USP54: variants seen among roughly 807,000 people sequenced by gnomAD.
USP54 encodes ubiquitin specific peptidase 54.
USP54 carries 87 observed loss-of-function variants against 170.5 expected under a neutral mutation model. The ratio of observed to expected loss-of-function variants is 0.51; its 90% CI spans 0.43 to 0.61. The LOEUF (loss-of-function observed/expected upper bound fraction) is 0.61. USP54 is among the 20% of genes least tolerant of loss of function. The pLI is 0.00. For missense variants in USP54, 1,786 were observed against 2,047.8 expected, an observed-to-expected ratio of 0.87 and a Z score of 2.47; for synonymous variants, 655 against 742.8, an observed-to-expected ratio of 0.88 and a Z score of 1.92.
chr10:73,588,434 G>A (rs1030951367), intron 1 of USP54, among the ~76,000 whole-genome samples: 2 of 152,140 alleles, frequency 1.3e-5, no homozygotes, highest in African/African-American at 4.8e-5. Context: ...ATGTTGGCCA[G>A]GCTGGTCTCA....
chr10:73,542,940 G>A, intron 6 of USP54, 55 bp from the exon 7 acceptor site: 1 of 1,611,212 alleles, frequency 6.2e-7, no homozygotes, highest in East Asian at 2.2e-5. Flanking sequence ...AACTGTTTTG[G>A]CACCCATTTA....
rs745912443 is a variant in USP54 at position 73,536,393 on chromosome 10, C to A, written c.1020G>T (p.Gly340=). 65 of 1,590,236 alleles carry A rather than the reference C, an allele frequency of 4.1e-5. No individual in the cohort carries two copies. In the Admixed American group the frequency reaches 1.2e-3, roughly 28 times the overall value. The change falls in exon 11 of 24, where the codon GGG becomes GGT. Residue 340 remains glycine, a synonymous_variant. Coordinates refer to ENST00000687698, the MANE Select transcript of USP54 (RefSeq NM_001391956.1). ...WKDVVTKCIK[G]HYQPLLLLYA... is the part of the protein sequence containing the mutation. Reference sequence around the variant, plus strand: ...AAAGCAGCAGCAGGGGCTGATAATGCCCCTTGATGCATTTGGTCACCACAT... The same window carrying A: ...AAAGCAGCAGCAGGGGCTGATAATGACCCTTGATGCATTTGGTCACCACAT...
chr10:73,556,415 C>A (rs560816239), intron 4 of USP54, among the ~76,000 whole-genome samples: 9 of 145,962 alleles, frequency 6.2e-5, no homozygotes, highest in African/African-American at 2.0e-4. Context: ...GGCACCATTT[C>A]GGTTCACTGC....
intron 4 of USP54, among the ~76,000 whole-genome samples, chr10:73,569,602 A>T (rs1454268075): frequency 6.6e-6 from 1 of 151,910 alleles, no homozygotes; most frequent in East Asian, 1.9e-4. Flanking sequence ...AAATACAAAA[A>T]TTAGCTAGGG....
At chr10:73,555,393 C>T (rs956019333) in intron 4 of USP54, among the ~76,000 whole-genome samples, 2 of 152,114 alleles carry the variant, frequency 1.3e-5, no homozygotes, top group African/African-American at 4.8e-5. Context: ...CTGTTCATAA[C>T]AATATTTTGG....
At chr10:73,509,105 CAAAAAAAAAAA>C (rs34441562) in intron 20 of USP54, among the ~76,000 whole-genome samples, 2 of 47,294 alleles carry the variant, frequency 4.2e-5, no homozygotes, top group African/African-American at 1.4e-4. Flanking sequence ...ATCATACTGG[CAAAAAAAAAAA>C]AAAAAAAAAA....
intron 1 of USP54, among the ~76,000 whole-genome samples, chr10:73,612,839 CAA>C (rs756355670): frequency 3.4e-3 from 144 of 42,110 alleles, no homozygotes; most frequent in African/African-American, 0.012. Context: ...GACATTGTCT[CAA>C]AAAAAAAAAA....
intron 1 of USP54, among the ~76,000 whole-genome samples, chr10:73,597,420 A>C (rs2078819952): frequency 6.6e-6 from 1 of 152,210 alleles, no homozygotes; most frequent in Non-Finnish European, 1.5e-5. Context: ...ATATTTTTCA[A>C]ACCCTGAACT....
rs1305520189 is a variant in USP54 at position 73,614,192 on chromosome 10, C to CA, written c.-18+11374dup. ...ACTCCAGCCTGGGTGATACCTGTCT[C>CA]AAAAAACAAACAAAAAAACTGTATG... is the stretch of plus-strand genomic sequence containing the variant. On this transcript the variant is annotated intron_variant, in intron 1 of 22. Transcript: ENST00000339859. Among the ~76,000 whole-genome samples the CA allele has an allele frequency of 2.0e-5, 3 of 149,618 alleles. 1 individual carries two copies. Among genetic ancestry groups the CA allele is most frequent in the African/African-American group, 5.1e-5 (2 of 39,326 alleles).
chr10:73,539,642 C>CTTTTTTCAAA (rs747290004), intron 9 of USP54, 49 bp from the exon 10 acceptor site: 1 of 1,539,944 alleles, frequency 6.5e-7, no homozygotes, highest in Non-Finnish European at 8.8e-7. Flanking sequence ...TTCAACCATT[C>CTTTTTTCAAA]CACATCATCT....
At chr10:73,595,589 G>C (rs759140393), upstream of USP54, among the ~76,000 whole-genome samples, 1 of 152,088 alleles carries the variant, frequency 6.6e-6, no homozygotes, top group African/African-American at 2.4e-5. Context: ...ACACATTTGG[G>C]CTTCTAATTA....
At chr10:73,624,531 G>T (rs2081374522) in intron 1 of USP54, 1 of 151,734 alleles carries the variant, frequency 6.6e-6, no homozygotes, top group Non-Finnish European at 1.5e-5. Context: ...TCTAATTAAT[G>T]CATTTGTGAA....
At chr10:73,520,872 A>G in intron 18 of USP54, 36 bp downstream of exon 18, 2 of 1,613,714 alleles carry the variant, frequency 1.2e-6, no homozygotes, top group African/African-American at 1.3e-5. Flanking sequence ...GAAGTTAGTC[A>G]AAAGTGCCAC....
At chr10:73,556,730 A>C (rs752423231) in intron 4 of USP54, among the ~76,000 whole-genome samples, 3 of 152,202 alleles carry the variant, frequency 2.0e-5, no homozygotes, top group Non-Finnish European at 4.4e-5. Flanking sequence ...CTTGAAAAAT[A>C]CTAGAGATTC....
intron 4 of USP54, among the ~76,000 whole-genome samples, chr10:73,554,817 T>C (rs1210572120): frequency 2.0e-5 from 3 of 152,216 alleles, no homozygotes; most frequent in Admixed American, 6.5e-5. Context: ...ATAATAACTT[T>C]TTCTCTGAAA....
chr10:73,498,747 C>T lies in USP54; in HGVS notation c.4937G>A (p.Ser1646Asn). 6.2e-7 allele frequency: 1 copy of T among 1,613,942 alleles called. No homozygotes were observed. Among genetic ancestry groups the T allele is most frequent in the African/African-American group, 1.3e-5 (1 of 75,040 alleles). The stretch of plus-strand genomic sequence containing the variant: ...CCTGTGTCCAGAGTGGGAGGCATAA[C>T]TGCTTTGCCTCCAGTCATCATCTGG... Reference protein sequence around the residue: ...MPPDDDWRQSSYASHSGHRRT... With the variant: ...MPPDDDWRQSNYASHSGHRRT... The change falls in exon 24 of 24, where the codon AGT becomes AAT. Residue 1646 changes from serine to asparagine, a missense_variant. This residue lies in a region of USP54 where 1,418 missense variants were observed against 1,569.0 expected (regional missense o/e 0.90). Transcript: ENST00000687698.
chr10:73,500,978 C>G, intron 22 of USP54, 140 bp from the exon 23 acceptor site: 2 of 896,704 alleles, frequency 2.2e-6, no homozygotes, highest in Non-Finnish European at 3.2e-6. Context: ...TGTTCTGGAA[C>G]AGGACCCAAT....
At chr10:73,594,218 G>A (rs536878613), upstream of USP54, among the ~76,000 whole-genome samples, 38 of 152,052 alleles carry the variant, frequency 2.5e-4, no homozygotes, top group South Asian at 6.4e-3. Flanking sequence ...TTACAGGTAG[G>A]TGCCACTACA....
rs1447359344 is a variant in USP54, at chr10:73,530,693, G to GA, written c.1447+10dup. On this transcript the variant is annotated intron_variant, in intron 13 of 23. Coordinates refer to ENST00000687698, the MANE Select transcript of USP54 (RefSeq NM_001391956.1). ...ATGAAGGAGAAAGAGAAGCAGTGCA[G>GA]AAGGGCTTGCCTTCACTGTGGTATC... The GA allele has an allele frequency of 6.2e-7, 1 of 1,613,934 alleles. No homozygotes were observed. Among genetic ancestry groups the GA allele is most frequent in the East Asian group, 2.2e-5 (1 of 44,882 alleles).
Sources: allele counts gnomAD v4.1 joint callset (sites outside exome capture counted in the v4.1 genomes callset), GRCh38; gene constraint gnomAD v4.1.1; regional missense constraint gnomAD v4.1.1; transcripts MANE v1.5; gene names NCBI Gene and HGNC (gene_info 2026-07-23, HGNC 2026-07-21).